AFG2A: variants seen among roughly 807,000 people sequenced by gnomAD.
AFG2A encodes the protein AAA ATPase AFG2A.
chr4:122,990,538 A>G, the AFG2A span, among the ~76,000 whole-genome samples: 1 of 152,210 alleles, frequency 6.6e-6, no homozygotes, highest in Non-Finnish European at 1.5e-5. Flanking sequence ...CTAAAATGAT[A>G]TTAGATAAAT....
At chr4:123,131,395 A>G in the AFG2A span, among the ~76,000 whole-genome samples, 1 of 152,078 alleles carries the variant, frequency 6.6e-6, no homozygotes, top group African/African-American at 2.4e-5. Flanking sequence ...AGCAGTTTCT[A>G]AGTTTACAGT....
At chr4:123,084,592 G>A in the AFG2A span, among the ~76,000 whole-genome samples, 30 of 100,666 alleles carry the variant, frequency 3.0e-4, no homozygotes, top group African/African-American at 7.9e-4. Flanking sequence ...ATATATATAT[G>A]TGTGTGTGTG....
the AFG2A span, among the ~76,000 whole-genome samples, chr4:123,208,658 A>C: frequency 3.9e-5 from 6 of 152,296 alleles, no homozygotes; most frequent in East Asian, 1.2e-3. Context: ...GTCGTTATGG[A>C]TAGAAGGTAC....
the AFG2A span, among the ~76,000 whole-genome samples, chr4:123,040,159 G>A: frequency 2.0e-5 from 3 of 151,806 alleles, no homozygotes; most frequent in Admixed American, 6.6e-5. Flanking sequence ...GGACATGTAC[G>A]CTTCAACATT....
At chr4:123,141,596 T>G in the AFG2A span, among the ~76,000 whole-genome samples, 1 of 152,214 alleles carries the variant, frequency 6.6e-6, no homozygotes, top group Non-Finnish European at 1.5e-5. Flanking sequence ...GGCTAAGCTA[T>G]GATGTTCAGT....
At chr4:122,972,221 T>A in the AFG2A span, among the ~76,000 whole-genome samples, 2 of 152,114 alleles carry the variant, frequency 1.3e-5, no homozygotes, top group Non-Finnish European at 1.5e-5. Flanking sequence ...AGTTTGTTTG[T>A]ATATTAGTTT....
the AFG2A span, among the ~76,000 whole-genome samples, chr4:123,055,131 T>G: frequency 1.3e-5 from 2 of 152,316 alleles, no homozygotes; most frequent in South Asian, 4.1e-4. Context: ...TAGTAAATTC[T>G]TATATCAGTT....
chr4:123,206,708 A>G, the AFG2A span, among the ~76,000 whole-genome samples: 1 of 152,144 alleles, frequency 6.6e-6, no homozygotes, highest in South Asian at 2.1e-4. Flanking sequence ...CTTCCCCTAT[A>G]GGAAGTTTTC....
At chr4:123,209,078 A>G in the AFG2A span, among the ~76,000 whole-genome samples, 1 of 152,180 alleles carries the variant, frequency 6.6e-6, no homozygotes, top group Non-Finnish European at 1.5e-5. Context: ...GATATCTTTA[A>G]TAATAACCTG....
the AFG2A span, among the ~76,000 whole-genome samples, chr4:123,164,464 A>G: frequency 3.3e-5 from 5 of 152,142 alleles, no homozygotes; most frequent in Non-Finnish European, 7.4e-5. Context: ...CTTGGGTTCA[A>G]GTGATTCTCC....
the AFG2A span, among the ~76,000 whole-genome samples, chr4:123,145,867 AT>A: frequency 7.2e-5 from 11 of 152,118 alleles, no homozygotes; most frequent in African/African-American, 2.7e-4. Context: ...CAGTAATTTA[AT>A]GTATTTTTAT....
chr4:123,308,648 GA>G, the AFG2A span, among the ~76,000 whole-genome samples: 1 of 152,198 alleles, frequency 6.6e-6, no homozygotes, highest in Admixed American at 6.5e-5. Flanking sequence ...TCCATGGAAA[GA>G]TTGTCTTCCA....
chr4:123,159,191 G>A, the AFG2A span, among the ~76,000 whole-genome samples: 3 of 152,260 alleles, frequency 2.0e-5, no homozygotes, highest in South Asian at 4.1e-4. Context: ...AACTAATTCT[G>A]AAGGATTTAT....
the AFG2A span, among the ~76,000 whole-genome samples, chr4:123,251,958 A>T: frequency 1.3e-5 from 2 of 152,144 alleles, no homozygotes; most frequent in Non-Finnish European, 2.9e-5. Context: ...GTATTATAAC[A>T]TATACAAAAA....
chr4:123,248,469 C>A, the AFG2A span, among the ~76,000 whole-genome samples: 1 of 152,170 alleles, frequency 6.6e-6, no homozygotes, highest in Admixed American at 6.5e-5. Flanking sequence ...GATACAGCAA[C>A]ATTTTCAAAA....
the AFG2A span, among the ~76,000 whole-genome samples, chr4:123,114,614 G>A: frequency 0.011 from 1,709 of 152,336 alleles, 16 homozygotes; most frequent in Non-Finnish European, 0.02. Context: ...GTCTGCTGAT[G>A]ATGGGGGACC....
chr4:122,923,288 CCAA>C, the AFG2A span: 1 of 1,613,868 alleles, frequency 6.2e-7, no homozygotes, highest in South Asian at 1.1e-5. Flanking sequence ...CTGACGGTGA[CCAA>C]CTTATTAGAA....
chr4:123,289,416 G>C, the AFG2A span, among the ~76,000 whole-genome samples: 3 of 152,070 alleles, frequency 2.0e-5, no homozygotes, highest in Non-Finnish European at 4.4e-5. Flanking sequence ...CTTATTGGTC[G>C]ATGGGCACTT....
the AFG2A span, among the ~76,000 whole-genome samples, chr4:122,996,581 A>ATAGATAGAT: frequency 6.7e-6 from 1 of 149,870 alleles, no homozygotes; most frequent in Non-Finnish European, 1.5e-5. Flanking sequence ...AGATAGATAG[A>ATAGATAGAT]TAGATAGATA....
Sources: allele counts gnomAD v4.1 joint callset (sites outside exome capture counted in the v4.1 genomes callset), GRCh38; gene constraint gnomAD v4.1.1; transcripts MANE v1.5; gene names NCBI Gene and HGNC (gene_info 2026-07-23, HGNC 2026-07-21).